Variants in KCNH8 observed in about 807,000 individuals in gnomAD.
KCNH8 encodes the protein voltage-gated delayed rectifier potassium channel KCNH8.
In KCNH8, 70 loss-of-function variants were observed where a neutral mutation model predicts 103.6. That is an observed-to-expected ratio of 0.68 (90% CI 0.56 to 0.82). The LOEUF (loss-of-function observed/expected upper bound fraction) is 0.82. Ranked by LOEUF, KCNH8 falls within the 40% of genes least tolerant of loss-of-function variation. The pLI, the probability that KCNH8 is intolerant of heterozygous loss-of-function variation, is 0.00. For synonymous variants in KCNH8, 498 were observed against 489.4 expected (o/e 1.02, Z -0.23); for missense variants, 1,217 against 1,329.9 (o/e 0.92, Z 1.32).
intron 4 of KCNH8, among the ~76,000 whole-genome samples, chr3:19,347,064 C>T (rs572316258): frequency 6.6e-6 from 1 of 152,208 alleles, no homozygotes; most frequent in African/African-American, 2.4e-5. Flanking sequence ...TCTTAAGCAA[C>T]TGTTTCTTAC....
intron 15 of KCNH8, among the ~76,000 whole-genome samples, chr3:19,518,721 T>G (rs964120699): frequency 2.0e-5 from 3 of 152,068 alleles, no homozygotes; most frequent in Non-Finnish European, 2.9e-5. Context: ...AGATCTCTTA[T>G]ACTCATTTTA....
At chr3:19,360,628 A>G (rs2065935782) in intron 5 of KCNH8, among the ~76,000 whole-genome samples, 1 of 152,032 alleles carries the variant, frequency 6.6e-6, no homozygotes, top group South Asian at 2.1e-4. Context: ...TGCCTTTTCC[A>G]TAACAAATAT....
intron 11 of KCNH8, among the ~76,000 whole-genome samples, chr3:19,474,937 G>A (rs114497793): frequency 2.0e-5 from 3 of 152,196 alleles, no homozygotes; most frequent in African/African-American, 7.2e-5. Flanking sequence ...AGAGAACAAC[G>A]AAATAGGATT....
chr3:19,473,894 G>A (rs2067915809), intron 11 of KCNH8, among the ~76,000 whole-genome samples: 1 of 150,352 alleles, frequency 6.7e-6, no homozygotes, highest in South Asian at 2.1e-4. Flanking sequence ...TGTGGATATG[G>A]ATATGTTAGG....
intron 2 of KCNH8, among the ~76,000 whole-genome samples, chr3:19,275,136 A>G (rs2064649610): frequency 6.6e-6 from 1 of 151,430 alleles, no homozygotes; most frequent in Admixed American, 6.6e-5. Context: ...TATTCTAGAA[A>G]ACCTGAAAAT....
intron 2 of KCNH8, among the ~76,000 whole-genome samples, chr3:19,277,561 A>T (rs2064692348): frequency 6.6e-6 from 1 of 152,126 alleles, no homozygotes; most frequent in African/African-American, 2.4e-5. Context: ...AAAAACAAAA[A>T]GGCACAGGTG....
At chr3:19,383,475 G>A (rs112540187) in intron 5 of KCNH8, among the ~76,000 whole-genome samples, 2,229 of 151,798 alleles carry the variant, frequency 0.015, 34 homozygotes, top group African/African-American at 0.048. Context: ...GCCTCCAAGC[G>A]ATTCTTCTGC....
intron 11 of KCNH8, among the ~76,000 whole-genome samples, chr3:19,497,772 A>C (rs563496496): frequency 5.9e-5 from 9 of 152,296 alleles, no homozygotes; most frequent in African/African-American, 1.2e-4. Context: ...TCAAGTATTG[A>C]ATTCAGGTCT....
intron 7 of KCNH8, among the ~76,000 whole-genome samples, chr3:19,405,602 T>C (rs1490869836): frequency 2.0e-5 from 3 of 152,002 alleles, no homozygotes; most frequent in East Asian, 1.9e-4. Context: ...TTGATATACA[T>C]TGATGCTTGA....
chr3:19,318,662 T>TGTGTGTACACACACACACACAC (rs1491117852), intron 3 of KCNH8, among the ~76,000 whole-genome samples: 3 of 142,522 alleles, frequency 2.1e-5, no homozygotes, highest in Admixed American at 1.4e-4. Flanking sequence ...TGTGTGTGTG[T>TGTGTGTACACACACACACACAC]ACACACACAC....
chr3:19,518,203 C>A, intron 15 of KCNH8, 129 bp downstream of exon 15: 1 of 642,508 alleles, frequency 1.6e-6, no homozygotes, highest in Non-Finnish European at 2.7e-6. Context: ...GGGTGAATCT[C>A]TGCTCTGCCT....
At chr3:19,354,261 C>T (rs1369005215) in intron 5 of KCNH8, among the ~76,000 whole-genome samples, 1 of 152,146 alleles carries the variant, frequency 6.6e-6, no homozygotes, top group Admixed American at 6.6e-5. Context: ...ACATTCCATG[C>T]TCATGGATAG....
chr3:19,262,757 A>G (rs13089834), intron 2 of KCNH8, among the ~76,000 whole-genome samples: 2 of 152,092 alleles, frequency 1.3e-5, no homozygotes, highest in Non-Finnish European at 2.9e-5. Flanking sequence ...TTAGAATTTC[A>G]CCACGTCTAA....
At chr3:19,493,736 T>C (rs569208316) in intron 11 of KCNH8, among the ~76,000 whole-genome samples, 3 of 151,730 alleles carry the variant, frequency 2.0e-5, no homozygotes, top group Admixed American at 6.5e-5. Flanking sequence ...GGCTTTATTA[T>C]TGATGAGTCT....
intron 3 of KCNH8, among the ~76,000 whole-genome samples, chr3:19,318,179 A>G (rs948096432): frequency 1.3e-5 from 2 of 151,924 alleles, no homozygotes; most frequent in Admixed American, 1.3e-4. Context: ...CTGTACACCA[A>G]CAACAGACAA....
chr3:19,434,733 C>T (rs1409963232), intron 7 of KCNH8, among the ~76,000 whole-genome samples: 1 of 152,128 alleles, frequency 6.6e-6, no homozygotes, highest in Non-Finnish European at 1.5e-5. Context: ...GCATTTGACA[C>T]TTCTTAATTA....
intron 5 of KCNH8, among the ~76,000 whole-genome samples, chr3:19,354,632 A>G (rs2065853225): frequency 1.3e-5 from 2 of 152,354 alleles, no homozygotes; most frequent in African/African-American, 4.8e-5. Context: ...CAATGGGGAA[A>G]GGATTCCCTA....
intron 3 of KCNH8, among the ~76,000 whole-genome samples, chr3:19,287,530 ATTAT>A (rs2064848494): frequency 6.6e-6 from 1 of 152,142 alleles, no homozygotes; most frequent in African/African-American, 2.4e-5. Flanking sequence ...TTAAGTTCAA[ATTAT>A]TTAAGAATCA....
intron 2 of KCNH8, among the ~76,000 whole-genome samples, chr3:19,278,368 C>A (rs1444008666): frequency 6.8e-6 from 1 of 147,718 alleles, no homozygotes; most frequent in African/African-American, 2.5e-5. Flanking sequence ...GTGGATAAAT[C>A]TGGAGGGACA....
Sources: allele counts gnomAD v4.1 joint callset (sites outside exome capture counted in the v4.1 genomes callset), GRCh38; gene constraint gnomAD v4.1.1; transcripts MANE v1.5; gene names NCBI Gene and HGNC (gene_info 2026-07-23, HGNC 2026-07-21).